Variants in CRYBG3 observed in about 807,000 individuals in gnomAD.
CRYBG3 encodes crystallin beta-gamma domain containing 3.
A neutral mutation model predicts 244.2 loss-of-function variants in CRYBG3; 127 were observed. That is an observed-to-expected ratio of 0.52 (90% confidence interval 0.45 to 0.60). CRYBG3 has a LOEUF of 0.60. Among genes scored for constraint, CRYBG3 ranks in the 20% least tolerant of loss-of-function variants. The pLI is 0.00. For synonymous variants in CRYBG3, 1,132 were observed against 1,195.8 expected (o/e 0.95, Z 1.10); for missense variants, 3,325 against 3,442.5 (o/e 0.97, Z 0.85).
intron 21 of CRYBG3, chr3:97,942,788 A>G (rs2040260263): frequency 4.5e-6 from 1 of 223,938 alleles, no homozygotes; most frequent in South Asian, 1.1e-4. Flanking sequence ...ATGGTCCTTA[A>G]AAACCCTCAG....
chr3:97,895,391 C>G (rs1262439866), intron 11 of CRYBG3, among the ~76,000 whole-genome samples: 6 of 152,264 alleles, frequency 3.9e-5, no homozygotes, highest in African/African-American at 1.4e-4. Context: ...TTACAGATGT[C>G]CTTGTATACA....
chr3:97,830,972 C>T (rs962527160), intron 1 of CRYBG3, among the ~76,000 whole-genome samples: 11 of 152,106 alleles, frequency 7.2e-5, no homozygotes, highest in Non-Finnish European at 1.3e-4. Context: ...AATTGCTAGG[C>T]TCCTGCCAAA....
chr3:97,830,403 G>A (rs1417722691), intron 1 of CRYBG3, among the ~76,000 whole-genome samples: 1 of 151,958 alleles, frequency 6.6e-6, no homozygotes, highest in East Asian at 1.9e-4. Context: ...CAAGCTTGCT[G>A]TATTGATCTC....
intron 17 of CRYBG3, chr3:97,933,040 A>C (rs4857298): frequency 0.49 from 202,469 of 414,190 alleles, 51,066 homozygotes; most frequent in East Asian, 0.67. Context: ...AATTCCCCAG[A>C]CACAAGGATA....
intron 2 of CRYBG3, among the ~76,000 whole-genome samples, chr3:97,847,648 G>A (rs928076614): frequency 2.0e-5 from 3 of 152,182 alleles, no homozygotes; most frequent in African/African-American, 4.8e-5. Context: ...CTGGACCGCA[G>A]GTTATAGATT....
At chr3:97,935,962 T>A (rs2040159356) in intron 18 of CRYBG3, among the ~76,000 whole-genome samples, 1 of 152,060 alleles carries the variant, frequency 6.6e-6, no homozygotes, top group Non-Finnish European at 1.5e-5. Flanking sequence ...CCTTGAGTCC[T>A]GCTGAGAATT....
chr3:97,920,364 G>A (rs1038952382), intron 17 of CRYBG3, among the ~76,000 whole-genome samples: 2 of 152,090 alleles, frequency 1.3e-5, no homozygotes, highest in South Asian at 4.1e-4. Flanking sequence ...CTCCATCAGT[G>A]TAGAAGATTT....
At position 97,943,631 on chromosome 3, in the gene CRYBG3, C is replaced by T. The variant is rs1218582228; in HGVS notation, c.*317C>T. On this transcript the variant is annotated 3_prime_UTR_variant, in exon 22 of 22. Coordinates refer to ENST00000389622, the MANE Select transcript of CRYBG3 (RefSeq NM_153605.4). ...TATCCACCAAACGTGAATCCTGTTC[C>T]TGATGGCCCGTTATTGGACACTGGT... 10 of 290,624 alleles carry T rather than the reference C, an allele frequency of 3.4e-5. No homozygotes were observed. Among genetic ancestry groups the T allele is most frequent in the Non-Finnish European group, 6.3e-6 (1 of 158,560 alleles). The allele number at this position is 290,624 out of a possible 1,614,324, so 18.0% of individuals were successfully genotyped here.
intron 3 of CRYBG3, among the ~76,000 whole-genome samples, chr3:97,868,959 A>G (rs1385984006): frequency 1.3e-5 from 2 of 152,028 alleles, no homozygotes; most frequent in Non-Finnish European, 2.9e-5. Context: ...AAAAAGAAAC[A>G]TTGTAGCCTG....
rs1216500394 is a variant in CRYBG3, at chr3:97,888,417, T to C, written c.7366T>C (p.Ser2456Pro). The change falls in exon 9 of 22, where the codon TCT becomes CCT. Residue 2456 changes from serine (S) to proline (P), a missense_variant. This residue lies in a region of CRYBG3 where 714 missense variants were observed against 803.6 expected (regional missense o/e 0.89). Transcript: ENST00000389622. ...GGAAGACCATGGGCTCTTTGAGATTTCTACAGCAGAAATGAAATCATTACA... is the reference window on the plus strand; with the variant it reads ...GGAAGACCATGGGCTCTTTGAGATTCCTACAGCAGAAATGAAATCATTACA... The part of the protein sequence containing the change: ...LEEDHGLFEI[S>P]TAEMKSLHPL... 2 of 1,612,478 alleles carry C rather than the reference T, an allele frequency of 1.2e-6. No individual in the cohort carries two copies. The highest frequency in any genetic ancestry group is 3.3e-5 in the Admixed American group (2 of 59,960).
rs1295526562 is a variant in CRYBG3, at chr3:97,822,211, C to A, written c.5C>A (p.Ser2Tyr). The change falls in exon 1 of 22, where the codon TCC becomes TAC. Residue 2 changes from serine to tyrosine, a missense_variant. By Grantham distance (144) the Ser-to-Tyr change is moderately radical. This residue lies in a region of CRYBG3 where 1,526 missense variants were observed against 1,443.2 expected (regional missense o/e 1.06). Transcript: ENST00000389622. The stretch of plus-strand genomic sequence containing the variant: ...GGCCAGCGGCCCCCTCGGGAAATGT[C>A]CAGCGGCCGCAGAAGGGGCAGCGCC... M[S>Y]SGRRRGSAPW... 5.3e-6 allele frequency: 8 copies of A among 1,520,964 alleles called. No individual in the cohort carries two copies. In the South Asian group the frequency reaches 7.3e-5, roughly 14 times the overall value. 94.2% of individuals were successfully genotyped at this position (1,520,964 alleles called of 1,614,324 possible).
intron 17 of CRYBG3, among the ~76,000 whole-genome samples, chr3:97,930,989 C>T (rs761217721): frequency 6.5e-4 from 98 of 151,274 alleles, no homozygotes; most frequent in Non-Finnish European, 1.2e-3. Flanking sequence ...TGGATTGTAC[C>T]TCTCCCTCCT....
At chr3:97,898,795 C>G in intron 12 of CRYBG3, 88 bp from the exon 13 acceptor site, 3 of 853,710 alleles carry the variant, frequency 3.5e-6, no homozygotes, top group East Asian at 2.9e-5. Flanking sequence ...AAAAATTACC[C>G]CATCAGTATG....
chr3:97,824,408 TAAACTA>T (rs2038551602), intron 1 of CRYBG3, among the ~76,000 whole-genome samples: 1 of 152,164 alleles, frequency 6.6e-6, no homozygotes, highest in South Asian at 2.1e-4. Flanking sequence ...AATTAAAAAA[TAAACTA>T]AAACATAATT....
At chr3:97,901,695 G>A (rs2039708577) in intron 15 of CRYBG3, among the ~76,000 whole-genome samples, 1 of 152,096 alleles carries the variant, frequency 6.6e-6, no homozygotes, top group Admixed American at 6.6e-5. Flanking sequence ...CATTTTTTGA[G>A]TTCTAAGTAC....
intron 21 of CRYBG3, chr3:97,942,692 C>G: frequency 5.8e-6 from 2 of 342,866 alleles, no homozygotes; most frequent in Admixed American, 4.6e-5. Flanking sequence ...GAACTCAGAA[C>G]AGTTCTAAAT....
At chr3:97,933,957 A>C in intron 18 of CRYBG3, 124 bp downstream of exon 18, 1 of 655,774 alleles carries the variant, frequency 1.5e-6, no homozygotes. Context: ...AGCCCTTTGG[A>C]AGAGAAGGGC....
intron 15 of CRYBG3, among the ~76,000 whole-genome samples, chr3:97,910,293 G>A (rs1288035891): frequency 6.6e-6 from 1 of 152,190 alleles, no homozygotes; most frequent in Non-Finnish European, 1.5e-5. Context: ...GAGCTTCCTG[G>A]CTGCTTTGTT....
At chr3:97,856,603 C>T (rs915610266) in intron 2 of CRYBG3, among the ~76,000 whole-genome samples, 1 of 152,194 alleles carries the variant, frequency 6.6e-6, no homozygotes, top group Non-Finnish European at 1.5e-5. Flanking sequence ...CCACGTTCTT[C>T]TGCCATGGCT....
Sources: allele counts gnomAD v4.1 joint callset (sites outside exome capture counted in the v4.1 genomes callset), GRCh38; gene constraint gnomAD v4.1.1; regional missense constraint gnomAD v4.1.1; transcripts MANE v1.5; gene names NCBI Gene and HGNC (gene_info 2026-07-23, HGNC 2026-07-21).